The following TFDP1 variants were observed in gnomAD, a reference collection of about 807,000 sequenced individuals.
The protein encoded by TFDP1 is transcription factor Dp-1.
Under a neutral mutation model 48.0 loss-of-function variants are expected in TFDP1, and 6 were observed. The ratio of observed to expected loss-of-function variants is 0.13; its 90% CI spans 0.07 to 0.25. The LOEUF is 0.25. Ranked by LOEUF, TFDP1 falls within the 10% of genes least tolerant of loss-of-function variation. TFDP1 has a pLI of 1.00. For synonymous variants in TFDP1, 201 were observed against 211.6 expected (o/e 0.95, Z 0.44); for missense variants, 335 against 543.0 (o/e 0.62, Z 3.81).
intron 4 of TFDP1, among the ~76,000 whole-genome samples, chr13:113,626,309 T>C (rs1285587744): frequency 6.6e-6 from 1 of 152,204 alleles, no homozygotes; most frequent in Non-Finnish European, 1.5e-5. Flanking sequence ...ACCAGGGATA[T>C]TTTGGTCATT....
rs549552301 is a variant in TFDP1, at chr13:113,607,170, C to T, written c.13-3826C>T. 4.6e-5 allele frequency among the ~76,000 whole-genome samples: 7 copies of T among 152,342 alleles called. No homozygotes were observed. In the South Asian group the frequency reaches 1.0e-3, roughly 23 times the overall value. The stretch of plus-strand genomic sequence containing the variant: ...CAGGGAGGCTGGCCCCTGACAGAGC[C>T]GTGCAGGCGGCAGCGGCAGCACTGT... On this transcript the variant is annotated intron_variant, in intron 2 of 11. Coordinates refer to ENST00000375370, the MANE Select transcript of TFDP1 (RefSeq NM_007111.5). The surrounding 1 kb of genome is among the most constrained non-coding windows in gnomAD (Gnocchi z 5.2).
chr13:113,596,759 T>C (rs2048299255), intron 2 of TFDP1, among the ~76,000 whole-genome samples: 1 of 152,168 alleles, frequency 6.6e-6, no homozygotes, highest in South Asian at 2.1e-4. Context: ...GGGATGAAGG[T>C]GGTCAGCATC....
chr13:113,634,642 T>C, intron 8 of TFDP1, 40 bp downstream of exon 8: 1 of 1,520,634 alleles, frequency 6.6e-7, no homozygotes, highest in East Asian at 2.3e-5. Context: ...GTAATTTTTA[T>C]TTTACTAATT....
In TFDP1 at chr13:113,633,299, G is replaced by A. The variant is rs773032297; in HGVS notation, c.474+14G>A. 2.8e-5 allele frequency: 44 copies of A among 1,598,792 alleles called. No individual in the cohort carries two copies. The highest frequency in any genetic ancestry group is 6.8e-5 in the East Asian group (3 of 44,352). ...CCAAACGAGTCAGTAAGTGTGTGCC[G>A]GGGGCCGAGAGGCTGGGGTGGCGGA... On this transcript the variant is annotated intron_variant, in intron 6 of 11. Coordinates refer to ENST00000375370, the MANE Select transcript of TFDP1 (RefSeq NM_007111.5). This position sits in a 1 kb window ranked among gnomAD's most constrained non-coding sequence, Gnocchi z 4.5.
intron 3 of TFDP1, among the ~76,000 whole-genome samples, chr13:113,613,558 G>A (rs1236890870): frequency 6.7e-6 from 1 of 149,968 alleles, no homozygotes; most frequent in African/African-American, 2.5e-5. Context: ...GTGTGTCACT[G>A]AGTGTGCATA....
chr13:113,617,994 A>G lies in TFDP1; in HGVS notation c.80-5186A>G, dbSNP rs1282618139. ...TTTCTTCCCAAGAAAGGAATTCTCC[A>G]TTTAAAATGCTGTATATAAAATGTT... On this transcript the variant is annotated intron_variant, in intron 3 of 11. Coordinates refer to ENST00000375370, the MANE Select transcript of TFDP1 (RefSeq NM_007111.5). Among the ~76,000 whole-genome samples, 5 of 152,374 alleles carry G rather than the reference A, an allele frequency of 3.3e-5. 1 individual carries two copies. In the South Asian group the frequency reaches 1.0e-3, roughly 32 times the overall value.
At chr13:113,608,920 C>T (rs1053025133) in intron 2 of TFDP1, among the ~76,000 whole-genome samples, 3 of 152,240 alleles carry the variant, frequency 2.0e-5, no homozygotes, top group Admixed American at 6.5e-5. Flanking sequence ...CTTAACGTCT[C>T]GGCCTTACCA....
At chr13:113,630,224 C>T (rs200569935) in intron 4 of TFDP1, among the ~76,000 whole-genome samples, 2 of 152,148 alleles carry the variant, frequency 1.3e-5, no homozygotes, top group East Asian at 3.9e-4. Flanking sequence ...TTTATCCACG[C>T]CCAGGAGATT....
chr13:113,596,890 G>A (rs1467662211), intron 2 of TFDP1, among the ~76,000 whole-genome samples: 1 of 152,196 alleles, frequency 6.6e-6, no homozygotes, highest in Non-Finnish European at 1.5e-5. Flanking sequence ...CTGGAGCCCT[G>A]TTTTTGCTCA....
chr13:113,635,279 G>A (rs2049454793), intron 8 of TFDP1, among the ~76,000 whole-genome samples: 2 of 152,218 alleles, frequency 1.3e-5, no homozygotes, highest in African/African-American at 4.8e-5. Flanking sequence ...CCCTCCCAGA[G>A]GGGACGGTGT....
At chr13:113,624,318 G>A (rs987926888) in intron 4 of TFDP1, among the ~76,000 whole-genome samples, 5 of 151,554 alleles carry the variant, frequency 3.3e-5, no homozygotes, top group Admixed American at 6.6e-5. Flanking sequence ...GGCATACCCA[G>A]GTGTCCTCAC....
chr13:113,613,023 G>GTCA (rs1274057074), intron 3 of TFDP1, among the ~76,000 whole-genome samples: 3 of 55,638 alleles, frequency 5.4e-5, no homozygotes, highest in South Asian at 5.2e-4. Context: ...GGTTTTTGTT[G>GTCA]TTGTTGTTTT....
chr13:113,618,558 C>G (rs1200699493), intron 3 of TFDP1, among the ~76,000 whole-genome samples: 2 of 152,144 alleles, frequency 1.3e-5, no homozygotes, highest in East Asian at 3.9e-4. Flanking sequence ...AAATAACATT[C>G]TATCCTGAGG....
chr13:113,595,235 A>C (rs570764781), intron 2 of TFDP1, among the ~76,000 whole-genome samples: 1 of 152,328 alleles, frequency 6.6e-6, no homozygotes, highest in Admixed American at 6.5e-5. Flanking sequence ...CTGGTCCCCA[A>C]ATCTCTTGGC....
chr13:113,618,436 C>T lies in TFDP1; in HGVS notation c.80-4744C>T, dbSNP rs2048915367. On this transcript the variant is annotated intron_variant, in intron 3 of 11. Coordinates refer to ENST00000375370, the MANE Select transcript of TFDP1 (RefSeq NM_007111.5). ...ACTTGGGAGGCTGAGGTGGGAGGAT[C>T]CCTTGAACCGGGAGGTGGAGGTTGC... Among the ~76,000 whole-genome samples the T allele has an allele frequency of 2.0e-5, 3 of 152,102 alleles. No homozygotes were observed. The South Asian group carries it at 6.2e-4, about 31-fold the overall frequency.
intron 4 of TFDP1, among the ~76,000 whole-genome samples, chr13:113,625,371 G>A (rs185594820): frequency 9.7e-5 from 11 of 113,466 alleles, no homozygotes; most frequent in African/African-American, 1.4e-4. Context: ...GTCCTCAGGC[G>A]TCTCTCACGT....
At chr13:113,614,089 GTGAGTTGTGTGCATATGCACGTGTGAGT>G (rs1305502582) in intron 3 of TFDP1, among the ~76,000 whole-genome samples, 6 of 151,756 alleles carry the variant, frequency 4.0e-5, no homozygotes, top group African/African-American at 1.5e-4. Context: ...TGAGATGTAT[GTGAGTTGTGTGCATATGCACGTGTGAGT>G]TGAGTTGTGT....
intron 3 of TFDP1, among the ~76,000 whole-genome samples, chr13:113,617,642 G>A (rs935834171): frequency 2.3e-5 from 3 of 131,120 alleles, no homozygotes; most frequent in Admixed American, 7.1e-5. Context: ...CTGCAGAGCC[G>A]CTCACCTGCA....
intron 3 of TFDP1, among the ~76,000 whole-genome samples, chr13:113,617,901 A>G (rs556206744): frequency 4.6e-5 from 7 of 152,356 alleles, no homozygotes; most frequent in Admixed American, 2.6e-4. Context: ...AAACGTGAAT[A>G]CTATATTTAG....
Sources: allele counts gnomAD v4.1 joint callset (sites outside exome capture counted in the v4.1 genomes callset), GRCh38; gene constraint gnomAD v4.1.1; non-coding constraint Gnocchi (gnomAD v3.1); transcripts MANE v1.5; gene names NCBI Gene and HGNC (gene_info 2026-07-23, HGNC 2026-07-21).